The following DRAM1 variants were observed in gnomAD, a reference collection of about 807,000 sequenced individuals.
DRAM1 encodes the protein DNA damage-regulated autophagy modulator protein 1.
In DRAM1, 25 loss-of-function variants were observed where a neutral mutation model predicts 28.5. That is an observed-to-expected ratio of 0.88 (90% CI 0.64 to 1.23). DRAM1 has a LOEUF of 1.23. Ranked by LOEUF, DRAM1 falls within the 50% of genes most tolerant of loss-of-function variation. DRAM1 has a pLI of 0.00. For synonymous variants in DRAM1, 113 were observed against 114.2 expected, an observed-to-expected ratio of 0.99 and a Z score of 0.07; for missense variants, 249 against 299.2, an observed-to-expected ratio of 0.83 and a Z score of 1.24.
At chr12:101,906,395 T>C (rs903923583) in intron 3 of DRAM1, among the ~76,000 whole-genome samples, 33 of 151,900 alleles carry the variant, frequency 2.2e-4, no homozygotes, top group Non-Finnish European at 3.4e-4. Flanking sequence ...GAAGAGTGTG[T>C]TCACCGTGAG....
intron 1 of DRAM1, among the ~76,000 whole-genome samples, chr12:101,888,786 ATTTTTTT>A (rs34825466): frequency 9.3e-5 from 10 of 107,940 alleles, no homozygotes; most frequent in African/African-American, 1.8e-4. Flanking sequence ...AAACATCTCA[ATTTTTTT>A]TTTTTTTTTT....
chr12:101,897,481 G>A (rs1008440704), intron 1 of DRAM1, among the ~76,000 whole-genome samples: 4 of 152,076 alleles, frequency 2.6e-5, no homozygotes, highest in Non-Finnish European at 5.9e-5. Context: ...GATTACAGGT[G>A]TGAGCCGCTG....
At chr12:101,889,260 C>T (rs1241952762) in intron 1 of DRAM1, among the ~76,000 whole-genome samples, 1 of 152,128 alleles carries the variant, frequency 6.6e-6, no homozygotes. Context: ...AAATGTACAA[C>T]ATGTAAACTC....
At chr12:101,908,452 C>T (rs986366869) in intron 4 of DRAM1, 89 bp downstream of exon 4, 30 of 1,330,132 alleles carry the variant, frequency 2.3e-5, no homozygotes, top group African/African-American at 1.9e-4. Context: ...TTATAGGGAC[C>T]GCTGCAATGA....
intron 4 of DRAM1, among the ~76,000 whole-genome samples, chr12:101,911,692 C>T (rs1874045376): frequency 6.6e-6 from 1 of 152,056 alleles, no homozygotes; most frequent in Non-Finnish European, 1.5e-5. Flanking sequence ...AAATGTAAAA[C>T]ATATACCTGA....
intron 2 of DRAM1, among the ~76,000 whole-genome samples, chr12:101,900,209 TC>T (rs1337285853): frequency 1.3e-5 from 2 of 152,168 alleles, no homozygotes; most frequent in Non-Finnish European, 2.9e-5. Context: ...TTTACTATCC[TC>T]CTCACATCAT....
At position 101,922,985 on chromosome 12, in the gene DRAM1, T is replaced by C. The variant is rs117146578; in HGVS notation, c.*1725T>C. ...TGCGGTGGTGTGCCTGTAGTCCTAGTTACTTGGGAGGCTGAGGTGGGAGAA... is the reference window on the plus strand; with the variant it reads ...TGCGGTGGTGTGCCTGTAGTCCTAGCTACTTGGGAGGCTGAGGTGGGAGAA... On this transcript the variant is annotated 3_prime_UTR_variant, in exon 7 of 7. Coordinates refer to ENST00000258534, the MANE Select transcript of DRAM1 (RefSeq NM_018370.3). 0.053 allele frequency: 8,015 copies of C among 151,866 alleles called. 284 individuals are homozygous for C. The highest frequency in any genetic ancestry group is 0.14 in the Middle Eastern group (41 of 294). 9.4% of individuals were successfully genotyped at this position (151,866 alleles called of 1,614,324 possible).
chr12:101,889,800 C>G (rs567631934), intron 1 of DRAM1, among the ~76,000 whole-genome samples: 51 of 151,952 alleles, frequency 3.4e-4, no homozygotes, highest in African/African-American at 1.2e-3. Context: ...ATTAGCCATG[C>G]ATGGTGGTGG....
intron 1 of DRAM1, among the ~76,000 whole-genome samples, chr12:101,883,944 A>T (rs7308986): frequency 0.35 from 52,389 of 150,488 alleles, 9,991 homozygotes; most frequent in East Asian, 0.58. Context: ...AAAAAAAAAA[A>T]AAATAAATAA....
At chr12:101,920,636 G>C (rs906355232) in intron 6 of DRAM1, among the ~76,000 whole-genome samples, 8 of 152,176 alleles carry the variant, frequency 5.3e-5, no homozygotes, top group Admixed American at 3.3e-4. Flanking sequence ...AGTATGCCAG[G>C]TGTGGTGGTT....
Position 101,920,097 on chromosome 12 carries a change from T to C in DRAM1, c.580-12T>C. ...TTTTCGGCTAAATTCTGTTTCTTTA[T>C]TATTGCATTAGGATTATGTATATCA... On this transcript the variant is annotated splice_polypyrimidine_tract_variant and intron_variant, in intron 5 of 6. Transcript: ENST00000258534. 1 of 1,564,034 alleles carries C rather than the reference T, an allele frequency of 6.4e-7. No homozygotes were observed. The highest frequency in any genetic ancestry group is 8.7e-7 in the Non-Finnish European group (1 of 1,152,124).
At chr12:101,897,993 G>A in intron 2 of DRAM1, 63 bp downstream of exon 2, 1 of 917,486 alleles carries the variant, frequency 1.1e-6, no homozygotes. Flanking sequence ...AAGTTGATGT[G>A]TCATTTGTAG....
chr12:101,905,833 T>C (rs898706619), intron 3 of DRAM1, among the ~76,000 whole-genome samples: 14 of 152,160 alleles, frequency 9.2e-5, no homozygotes, highest in Admixed American at 7.2e-4. Context: ...TCTCCCAGAC[T>C]GTATGTAGTT....
intron 1 of DRAM1, among the ~76,000 whole-genome samples, chr12:101,897,519 C>CTT (rs199615801): frequency 8.9e-5 from 12 of 134,220 alleles, no homozygotes; most frequent in East Asian, 4.7e-4. Context: ...GATTTTAGAT[C>CTT]TTTTTTTTTT....
chr12:101,897,950 TA>T lies in DRAM1; in HGVS notation c.199+21del. 7.1e-7 allele frequency: 1 copy of T among 1,408,744 alleles called. No homozygotes were observed. The highest frequency in any genetic ancestry group is 9.9e-7 in the Non-Finnish European group (1 of 1,009,800). The allele number at this position is 1,408,744 out of a possible 1,614,324, so 87.3% of individuals were successfully genotyped here. ...TTCTTGGTAAGTACACAATAATTAT[TA>T]TAAATAATTGAAAAGCTCACAATTC... On this transcript the variant is annotated intron_variant, in intron 2 of 6. Transcript: ENST00000258534.
chr12:101,901,558 A>G, intron 3 of DRAM1, 125 bp downstream of exon 3: 1 of 1,201,316 alleles, frequency 8.3e-7, no homozygotes, highest in Non-Finnish European at 1.1e-6. Context: ...GTTTACAATA[A>G]GTGGGTTAGT....
intron 2 of DRAM1, among the ~76,000 whole-genome samples, chr12:101,899,681 CA>C (rs55642593): frequency 0.4 from 41,255 of 102,556 alleles, 5,045 homozygotes; most frequent in East Asian, 0.53. Flanking sequence ...CCTGTCTCCA[CA>C]AAAAAAAAAA....
intron 1 of DRAM1, among the ~76,000 whole-genome samples, chr12:101,891,562 A>C (rs1409430519): frequency 2.0e-5 from 3 of 152,216 alleles, no homozygotes; most frequent in African/African-American, 7.2e-5. Context: ...ACGACTTGGA[A>C]TTTTCCACAG....
At chr12:101,883,378 G>A (rs978951387) in intron 1 of DRAM1, among the ~76,000 whole-genome samples, 2 of 147,454 alleles carry the variant, frequency 1.4e-5, no homozygotes, top group Non-Finnish European at 3.0e-5. Context: ...ACAATGGCAC[G>A]ATCTCGGCTC....
Sources: allele counts gnomAD v4.1 joint callset (sites outside exome capture counted in the v4.1 genomes callset), GRCh38; gene constraint gnomAD v4.1.1; transcripts MANE v1.5; gene names NCBI Gene and HGNC (gene_info 2026-07-23, HGNC 2026-07-21).